Variants in JAK1 observed in about 807,000 individuals in gnomAD.
JAK1 encodes the protein Janus kinase 1.
A neutral mutation model predicts 136.6 loss-of-function variants in JAK1; 16 were observed. That is an observed-to-expected ratio of 0.12 (90% CI 0.08 to 0.18). The LOEUF (loss-of-function observed/expected upper bound fraction) is 0.18, where lower values mean the gene tolerates loss of function less well. Ranked by LOEUF, JAK1 falls within the 10% of genes least tolerant of loss-of-function variation. The pLI, the probability that JAK1 is intolerant of heterozygous loss-of-function variation, is 1.00. For synonymous variants in JAK1, 492 were observed against 519.5 expected (o/e 0.95, Z 0.72); for missense variants, 859 against 1,450.1 (o/e 0.59, Z 6.62).
intron 1 of JAK1, among the ~76,000 whole-genome samples, chr1:64,940,554 T>C (rs1645871442): frequency 6.6e-6 from 1 of 152,108 alleles, no homozygotes; most frequent in Non-Finnish European, 1.5e-5. Context: ...GGGGCTCAAG[T>C]GATCTGCCCA....
chr1:64,898,344 G>C (rs1645056035), intron 1 of JAK1, among the ~76,000 whole-genome samples: 1 of 152,160 alleles, frequency 6.6e-6, no homozygotes, highest in Non-Finnish European at 1.5e-5. Flanking sequence ...CTTGTCCTTG[G>C]ATAAAAGGGA....
At chr1:64,854,129 CT>C (rs1655775027) in intron 11 of JAK1, among the ~76,000 whole-genome samples, 1 of 152,190 alleles carries the variant, frequency 6.6e-6, no homozygotes, top group Admixed American at 6.5e-5. Context: ...ACACAAGTCC[CT>C]CCTCTTTCAC....
At chr1:64,879,994 C>T (rs1644744786) in intron 3 of JAK1, among the ~76,000 whole-genome samples, 1 of 152,146 alleles carries the variant, frequency 6.6e-6, no homozygotes, top group Non-Finnish European at 1.5e-5. Context: ...TTTTCATAAG[C>T]AGCCAGGCCT....
At chr1:64,999,887 T>C (rs1292294874) in intron 2 of JAK1, among the ~76,000 whole-genome samples, 3 of 152,144 alleles carry the variant, frequency 2.0e-5, no homozygotes, top group Non-Finnish European at 4.4e-5. Context: ...TATCCATCTC[T>C]ATATTCTGGC....
chr1:64,875,724 G>A (rs1657363465), intron 4 of JAK1, among the ~76,000 whole-genome samples: 1 of 152,178 alleles, frequency 6.6e-6, no homozygotes, highest in African/African-American at 2.4e-5. Flanking sequence ...CATCTGCAGA[G>A]CCACGGGCAG....
At chr1:64,986,885 A>AC (rs199547858) in intron 2 of JAK1, among the ~76,000 whole-genome samples, 6 of 151,750 alleles carry the variant, frequency 4.0e-5, no homozygotes, top group Non-Finnish European at 5.9e-5. Context: ...GCCACCCCCC[A>AC]CCCAAAAAAA....
At chr1:65,023,853 C>T (rs1243865259) in intron 2 of JAK1, among the ~76,000 whole-genome samples, 1 of 150,828 alleles carries the variant, frequency 6.6e-6, no homozygotes, top group African/African-American at 2.4e-5. Flanking sequence ...TAAATGGAGT[C>T]ATACCGTATT....
chr1:64,945,239 C>G (rs1230787109), intron 1 of JAK1, among the ~76,000 whole-genome samples: 1 of 151,986 alleles, frequency 6.6e-6, no homozygotes, highest in Non-Finnish European at 1.5e-5. Context: ...CTGCAATGCA[C>G]AAAAATATGT....
At chr1:64,943,836 TA>T (rs35735954) in intron 1 of JAK1, among the ~76,000 whole-genome samples, 140,242 of 146,142 alleles carry the variant, frequency 0.96, 67,385 homozygotes, top group East Asian at 1. Flanking sequence ...CTTTAATAAA[TA>T]AAAAAAAAAA....
chr1:65,054,777 T>C (rs1333256454), intron 1 of JAK1, among the ~76,000 whole-genome samples: 1 of 45,540 alleles, frequency 2.2e-5, no homozygotes, highest in African/African-American at 6.0e-5. Context: ...ATTGCTACTA[T>C]ATTGAGTTTT....
intron 1 of JAK1, among the ~76,000 whole-genome samples, chr1:64,952,759 G>A (rs1264945086): frequency 6.6e-6 from 1 of 152,098 alleles, no homozygotes. Context: ...GTTTACACAG[G>A]GAGGAAAAGA....
At chr1:65,005,293 G>A (rs183491834) in intron 2 of JAK1, among the ~76,000 whole-genome samples, 11 of 151,690 alleles carry the variant, frequency 7.3e-5, no homozygotes, top group South Asian at 4.1e-4. Context: ...GCAGTAAGCC[G>A]AGATCACGCC....
At chr1:65,048,460 T>C (rs1458287925) in intron 1 of JAK1, among the ~76,000 whole-genome samples, 2 of 152,202 alleles carry the variant, frequency 1.3e-5, no homozygotes, top group African/African-American at 4.8e-5. Context: ...TCCACAATCA[T>C]GTGTTACTAG....
At chr1:64,870,311 A>C (rs1236583474) in intron 5 of JAK1, among the ~76,000 whole-genome samples, 2 of 152,128 alleles carry the variant, frequency 1.3e-5, no homozygotes, top group Non-Finnish European at 2.9e-5. Flanking sequence ...TCACTCCTTC[A>C]TTTGGTAATT....
At chr1:64,919,359 T>C (rs1645456182) in intron 1 of JAK1, among the ~76,000 whole-genome samples, 1 of 152,232 alleles carries the variant, frequency 6.6e-6, no homozygotes, top group Non-Finnish European at 1.5e-5. Context: ...TCGTTTTTTA[T>C]GGTTGCATAG....
chr1:64,841,383 C>T (rs1654896173), intron 18 of JAK1, 44 bp from the exon 19 acceptor site: 2 of 1,611,556 alleles, frequency 1.2e-6, no homozygotes, highest in South Asian at 2.2e-5. Flanking sequence ...CAGTCGATTG[C>T]CAGGGATTGC....
At position 65,032,784 on chromosome 1, in the gene JAK1, T is replaced by C. The variant is rs1211971614; in HGVS notation, c.-78+11696A>G. Among the ~76,000 whole-genome samples the C allele has an allele frequency of 6.6e-5, 10 of 152,216 alleles. No individual in the cohort carries two copies. The East Asian group carries it at 1.7e-3, about 26-fold the overall frequency. ...ACCTTTGCTACTGTCTATTTCTCTA[T>C]GTTAGACTGCCCACCAGTGTTATGG... is the stretch of plus-strand genomic sequence containing the variant. On this transcript the variant is annotated intron_variant, in intron 2 of 25. Transcript: ENST00000671954.
At chr1:65,063,124 C>T (rs1348845704) in intron 1 of JAK1, among the ~76,000 whole-genome samples, 3 of 152,046 alleles carry the variant, frequency 2.0e-5, no homozygotes, top group South Asian at 2.1e-4. Context: ...CCAAATGCCA[C>T]GAGTGGAGCC....
At chr1:65,058,521 CTG>C (rs1557779771) in intron 1 of JAK1, 1 of 532,486 alleles carries the variant, frequency 1.9e-6, no homozygotes, top group Non-Finnish European at 3.8e-6. Flanking sequence ...CTGTCAGTCA[CTG>C]TGTCGGTCAA....
Sources: gnomAD v4.1 joint callset for allele counts (sites outside exome capture counted in the v4.1 genomes callset) on GRCh38, gnomAD v4.1.1 for gene constraint, MANE v1.5 for transcripts, NCBI Gene and HGNC (gene_info 2026-07-23, HGNC 2026-07-21) for gene names.